MAST4: variants seen among roughly 807,000 people sequenced by gnomAD.
MAST4 encodes microtubule associated serine/threonine kinase family member 4, also known as microtubule-associated serine/threonine-protein kinase 4.
In MAST4, 89 loss-of-function variants were observed where a neutral mutation model predicts 162.7. The observed-to-expected ratio is 0.55, with a 90% CI of 0.46 to 0.65. The LOEUF is 0.65. MAST4 is among the 30% of genes least tolerant of loss of function. The pLI is 0.00. For missense variants in MAST4, 3,153 were observed against 3,374.0 expected, an observed-to-expected ratio of 0.93 and a Z score of 1.62; for synonymous variants, 1,479 against 1,361.1, an observed-to-expected ratio of 1.09 and a Z score of -1.91.
At chr5:66,633,958 C>A (rs1744943006) in intron 1 of MAST4, among the ~76,000 whole-genome samples, 1 of 152,204 alleles carries the variant, frequency 6.6e-6, no homozygotes, top group African/African-American at 2.4e-5. Flanking sequence ...GATCATGTTA[C>A]ACAGCTGCCT....
At chr5:66,847,836 A>AAAAAAAAAAAAAAAAAAAAAAAAAC (rs1758984844) in intron 3 of MAST4, among the ~76,000 whole-genome samples, 1 of 150,932 alleles carries the variant, frequency 6.6e-6, no homozygotes, top group African/African-American at 2.4e-5. Context: ...AAAAAAAAAA[A>AAAAAAAAAAAAAAAAAAAAAAAAAC]AAAAAAAGAA....
chr5:66,971,656 T>TATATTGAA (rs1255016105), intron 4 of MAST4, among the ~76,000 whole-genome samples: 1 of 152,240 alleles, frequency 6.6e-6, no homozygotes, highest in Non-Finnish European at 1.5e-5. Flanking sequence ...TGTTTTTGAA[T>TATATTGAA]ATATTGAAAT....
At chr5:66,647,349 T>TCCTTGAGTAC (rs1745908060) in intron 1 of MAST4, among the ~76,000 whole-genome samples, 1 of 152,150 alleles carries the variant, frequency 6.6e-6, no homozygotes, top group African/African-American at 2.4e-5. Context: ...CATTCCCCAG[T>TCCTTGAGTAC]GACTACCCCA....
chr5:66,984,554 T>C (rs921508444), intron 4 of MAST4, among the ~76,000 whole-genome samples: 13 of 152,184 alleles, frequency 8.5e-5, no homozygotes, highest in African/African-American at 3.1e-4. Context: ...TAAAGTAGGG[T>C]AATAACATAA....
chr5:66,674,471 T>G (rs943376191), intron 1 of MAST4, among the ~76,000 whole-genome samples: 2 of 152,230 alleles, frequency 1.3e-5, no homozygotes, highest in Admixed American at 6.5e-5. Context: ...TTTTGTATTC[T>G]TGTTAAAGAG....
At chr5:66,639,758 G>T (rs1485455530) in intron 1 of MAST4, among the ~76,000 whole-genome samples, 6 of 152,070 alleles carry the variant, frequency 3.9e-5, no homozygotes, top group Admixed American at 2.0e-4. Flanking sequence ...TTAAACCTAA[G>T]TAAGAACCTT....
At chr5:67,014,461 C>T (rs1041821172) in intron 4 of MAST4, among the ~76,000 whole-genome samples, 5 of 152,122 alleles carry the variant, frequency 3.3e-5, no homozygotes, top group Admixed American at 6.5e-5. Flanking sequence ...AGCCTCTAAG[C>T]GTATGAATCA....
At chr5:66,964,720 G>A (rs1336437469) in intron 4 of MAST4, among the ~76,000 whole-genome samples, 1 of 152,188 alleles carries the variant, frequency 6.6e-6, no homozygotes, top group Non-Finnish European at 1.5e-5. Flanking sequence ...GGAGAATGGC[G>A]TGAACTCGGG....
chr5:66,817,650 C>T (rs988483547), intron 3 of MAST4, among the ~76,000 whole-genome samples: 6 of 152,046 alleles, frequency 3.9e-5, no homozygotes, highest in Admixed American at 1.3e-4. Flanking sequence ...TATTCATTGT[C>T]GTGCCTGAGA....
At chr5:66,726,595 C>T (rs1047844015) in intron 1 of MAST4, among the ~76,000 whole-genome samples, 2 of 151,966 alleles carry the variant, frequency 1.3e-5, no homozygotes, top group Non-Finnish European at 2.9e-5. Flanking sequence ...TGGGGACTGA[C>T]AGAGTCAGGT....
chr5:66,609,157 A>G (rs1743107737), intron 1 of MAST4, among the ~76,000 whole-genome samples: 1 of 147,904 alleles, frequency 6.8e-6, no homozygotes, highest in Non-Finnish European at 1.5e-5. Flanking sequence ...GCCTGGGATG[A>G]TTTTCCTTTG....
rs1561213477 is a variant in MAST4 at position 67,166,177 on chromosome 5, A to C, written c.6998A>C (p.His2333Pro). 6.4e-7 allele frequency: 1 copy of C among 1,555,722 alleles called. No individual in the cohort carries two copies. Among genetic ancestry groups the C allele is most frequent in the Non-Finnish European group, 8.7e-7 (1 of 1,149,246 alleles). Residue 2333 changes from histidine to proline, a missense_variant, in exon 29 of 29, where the codon CAC (histidine) becomes CCC (proline). Physicochemically the swap from His to Pro is moderately conservative, Grantham distance 77. Around this residue, in one of 7 missense-constraint regions of MAST4, gnomAD observed 1,644 missense variants for 1,495.0 expected, o/e 1.10. Coordinates refer to ENST00000403625, the MANE Select transcript of MAST4 (RefSeq NM_001164664.2). Reference protein sequence around the residue: ...VGEKQTLSPKHPKPSTVKDCP... With the variant: ...VGEKQTLSPKPPKPSTVKDCP... The stretch of plus-strand genomic sequence containing the variant: ...GAAAAGCAAACCCTGTCTCCAAAGC[A>C]CCCCAAACCATCCACTGTGAAAGAT...
intron 4 of MAST4, among the ~76,000 whole-genome samples, chr5:67,034,894 GA>G (rs1755819275): frequency 6.6e-6 from 1 of 152,098 alleles, no homozygotes; most frequent in African/African-American, 2.4e-5. Context: ...CTTCATTGAT[GA>G]GTGCACCCCT....
rs569555904 is a variant in MAST4, at chr5:66,805,572, T to A, written c.642+16778T>A. The stretch of plus-strand genomic sequence containing the variant: ...TTGAACTGCAGCTACTTTTATATAG[T>A]CATAGTCCTTTTGGGTTGTCATTGG... On this transcript the variant is annotated intron_variant, in intron 3 of 28. Coordinates refer to ENST00000403625, the MANE Select transcript of MAST4 (RefSeq NM_001164664.2). 5.3e-5 allele frequency among the ~76,000 whole-genome samples: 8 copies of A among 152,344 alleles called. No individual in the cohort carries two copies. In the South Asian group the frequency reaches 1.7e-3, roughly 32 times the overall value.
intron 10 of MAST4, among the ~76,000 whole-genome samples, chr5:67,107,008 T>C (rs1765673362): frequency 6.6e-6 from 1 of 152,216 alleles, no homozygotes; most frequent in African/African-American, 2.4e-5. Flanking sequence ...CTGGAAACAC[T>C]ATGCATATTA....
At chr5:67,063,639 T>G (rs573645344) in intron 5 of MAST4, among the ~76,000 whole-genome samples, 2 of 151,968 alleles carry the variant, frequency 1.3e-5, no homozygotes, top group South Asian at 2.1e-4. Flanking sequence ...TTTTTTTTTT[T>G]GTAAGAACAT....
At chr5:66,597,664 T>G (rs970694246) in intron 1 of MAST4, among the ~76,000 whole-genome samples, 4 of 152,148 alleles carry the variant, frequency 2.6e-5, no homozygotes, top group African/African-American at 9.7e-5. Context: ...GATGAACGCT[T>G]GTCACCAAAC....
At chr5:67,130,637 GT>G (rs1768852245) in intron 15 of MAST4, among the ~76,000 whole-genome samples, 1 of 152,132 alleles carries the variant, frequency 6.6e-6, no homozygotes, top group Admixed American at 6.5e-5. Context: ...CTGGAAAAAG[GT>G]TATCTTTTTT....
chr5:67,166,584 A>C lies in MAST4; in HGVS notation c.7405A>C (p.Arg2469=), dbSNP rs1241924570. 1 of 1,603,640 alleles carries C rather than the reference A, an allele frequency of 6.2e-7. No individual in the cohort carries two copies. Among genetic ancestry groups the C allele is most frequent in the Non-Finnish European group, 8.5e-7 (1 of 1,175,348 alleles). ...LSCSSSFPET[R]AGVREASAAS... is the part of the protein sequence containing the mutation. Reference sequence around the variant, plus strand: ...CTGCTCCTCCAGCTTCCCTGAAACCAGGGCCGGAGTTAGAGAGGCCTCTGC... The same window carrying C: ...CTGCTCCTCCAGCTTCCCTGAAACCCGGGCCGGAGTTAGAGAGGCCTCTGC... The change falls in exon 29 of 29, where the codon AGG becomes CGG. Residue 2469 remains arginine, a synonymous_variant. Coordinates refer to ENST00000403625, the MANE Select transcript of MAST4 (RefSeq NM_001164664.2).
Sources: allele counts gnomAD v4.1 joint callset (sites outside exome capture counted in the v4.1 genomes callset), GRCh38; gene constraint gnomAD v4.1.1; regional missense constraint gnomAD v4.1.1; transcripts MANE v1.5; gene names NCBI Gene and HGNC (gene_info 2026-07-23, HGNC 2026-07-21).